Variants in PPP2R5E observed in about 807,000 individuals in gnomAD.
PPP2R5E encodes protein phosphatase 2 regulatory subunit B'epsilon, also known as serine/threonine-protein phosphatase 2A 56 kDa regulatory subunit epsilon isoform.
A neutral mutation model predicts 65.3 loss-of-function variants in PPP2R5E; 4 were observed. The observed-to-expected ratio is 0.06, with a 90% confidence interval of 0.03 to 0.14. The LOEUF (loss-of-function observed/expected upper bound fraction) is 0.14. Among genes scored for constraint, PPP2R5E ranks in the 10% least tolerant of loss-of-function variants. The probability of loss-of-function intolerance (pLI) is 1.00; values close to 1 mark genes in which losing one functional copy is unlikely to be tolerated. For synonymous variants in PPP2R5E, 183 were observed against 187.4 expected (o/e 0.98, Z 0.19); for missense variants, 274 against 556.1 (o/e 0.49, Z 5.10).
chr14:63,422,195 C>A, intron 3 of PPP2R5E, 101 bp from the exon 4 acceptor site: 3 of 893,196 alleles, frequency 3.4e-6, no homozygotes, highest in Non-Finnish European at 3.6e-6. Flanking sequence ...TAACAATGCA[C>A]AAGGAACATC....
In PPP2R5E at chr14:63,373,559, T is replaced by G. The variant is rs1274314835; in HGVS notation, c.*2450A>C. 3 of 152,260 alleles carry G rather than the reference T, an allele frequency of 2.0e-5. No individual in the cohort carries two copies. Among genetic ancestry groups the G allele is most frequent in the Non-Finnish European group, 4.4e-5 (3 of 68,048 alleles). 9.4% of individuals were successfully genotyped at this position (152,260 alleles called of 1,614,324 possible). ...AGTTGCCCTACGAATTTTAGACATATAGCTTTAATTGATTCTATAAATATG... is the reference window on the plus strand; with the variant it reads ...AGTTGCCCTACGAATTTTAGACATAGAGCTTTAATTGATTCTATAAATATG... On this transcript the variant is annotated 3_prime_UTR_variant, in exon 14 of 14. Transcript: ENST00000337537.
chr14:63,467,753 G>A (rs938506412), intron 2 of PPP2R5E, among the ~76,000 whole-genome samples: 2 of 152,136 alleles, frequency 1.3e-5, no homozygotes, highest in African/African-American at 4.8e-5. Context: ...CATTCTTCCA[G>A]ATGGCTGAGG....
chr14:63,411,357 C>T (rs1033836189), intron 5 of PPP2R5E, among the ~76,000 whole-genome samples: 5 of 152,124 alleles, frequency 3.3e-5, no homozygotes, highest in Non-Finnish European at 5.9e-5. Flanking sequence ...TTTCTAAAGG[C>T]TCCTATCTCA....
intron 2 of PPP2R5E, among the ~76,000 whole-genome samples, chr14:63,471,690 T>C (rs1466588037): frequency 6.6e-6 from 1 of 152,154 alleles, no homozygotes; most frequent in African/African-American, 2.4e-5. Context: ...TTGCCCACCA[T>C]CACACAGCTG....
chr14:63,516,911 T>C (rs1345849489), intron 2 of PPP2R5E, among the ~76,000 whole-genome samples: 1 of 152,186 alleles, frequency 6.6e-6, no homozygotes, highest in Non-Finnish European at 1.5e-5. Flanking sequence ...AAACCTAATA[T>C]ATAATATATA....
At chr14:63,377,348 T>C (rs1884048875) in intron 13 of PPP2R5E, among the ~76,000 whole-genome samples, 1 of 152,184 alleles carries the variant, frequency 6.6e-6, no homozygotes, top group Admixed American at 6.5e-5. Flanking sequence ...GAGTGAAATT[T>C]GTATGTAATT....
chr14:63,400,723 C>A (rs1469849257), intron 5 of PPP2R5E, among the ~76,000 whole-genome samples: 1 of 80,724 alleles, frequency 1.2e-5, no homozygotes, highest in East Asian at 3.1e-4. Context: ...CCCATATAGA[C>A]TCAGTATCTC....
intron 2 of PPP2R5E, among the ~76,000 whole-genome samples, chr14:63,531,619 T>TAAA (rs1893439193): frequency 1.3e-5 from 2 of 152,154 alleles, no homozygotes; most frequent in African/African-American, 4.8e-5. Flanking sequence ...ATATAGATGT[T>TAAA]CTTTCAGTTC....
chr14:63,495,934 C>T (rs1026721909), intron 2 of PPP2R5E, among the ~76,000 whole-genome samples: 1 of 152,142 alleles, frequency 6.6e-6, no homozygotes, highest in Non-Finnish European at 1.5e-5. Context: ...AAGCGATCCT[C>T]CCGCCTCAGC....
chr14:63,449,916 C>T (rs1041714995), intron 3 of PPP2R5E, among the ~76,000 whole-genome samples: 3 of 141,384 alleles, frequency 2.1e-5, no homozygotes, highest in Non-Finnish European at 3.0e-5. Context: ...TGTTCTGTCA[C>T]CCAGGCAGGA....
At chr14:63,495,740 G>C (rs1891525728) in intron 2 of PPP2R5E, among the ~76,000 whole-genome samples, 2 of 151,596 alleles carry the variant, frequency 1.3e-5, no homozygotes, top group African/African-American at 4.8e-5. Flanking sequence ...ACCCAGGCTG[G>C]AGTGCAGTGG....
chr14:63,448,317 A>G (rs1033136369), intron 3 of PPP2R5E, among the ~76,000 whole-genome samples: 2 of 152,042 alleles, frequency 1.3e-5, no homozygotes, highest in Non-Finnish European at 2.9e-5. Context: ...AAATAAATAA[A>G]TAATTTTTAA....
chr14:63,429,665 G>GTT (rs1179487323), intron 3 of PPP2R5E, among the ~76,000 whole-genome samples: 1 of 151,068 alleles, frequency 6.6e-6, no homozygotes, highest in East Asian at 1.9e-4. Flanking sequence ...TTTTTTGTTT[G>GTT]TTTGTTTTTG....
At chr14:63,407,237 C>T (rs1385970854) in intron 5 of PPP2R5E, among the ~76,000 whole-genome samples, 3 of 152,200 alleles carry the variant, frequency 2.0e-5, no homozygotes, top group Non-Finnish European at 4.4e-5. Flanking sequence ...GAATTCAAAT[C>T]AGTCTGTACA....
At chr14:63,420,501 T>C (rs1302463003) in intron 4 of PPP2R5E, among the ~76,000 whole-genome samples, 1 of 152,122 alleles carries the variant, frequency 6.6e-6, no homozygotes, top group Non-Finnish European at 1.5e-5. Context: ...TTTTAACTAA[T>C]TTACCCAGTC....
rs112906571 is a variant in PPP2R5E, at chr14:63,465,771, G to C, written c.158-11886C>G. On this transcript the variant is annotated intron_variant, in intron 2 of 13. Coordinates refer to ENST00000337537, the MANE Select transcript of PPP2R5E (RefSeq NM_006246.5). ...CTGCACTTGTCTTTTAAGACAAGGAGCAAATCATAAAATCCTAATTTGATA... is the reference window on the plus strand; with the variant it reads ...CTGCACTTGTCTTTTAAGACAAGGACCAAATCATAAAATCCTAATTTGATA... 4.8e-3 allele frequency among the ~76,000 whole-genome samples: 737 copies of C among 152,196 alleles called. 4 individuals carry two copies. The highest frequency in any genetic ancestry group is 6.7e-3 in the Non-Finnish European group (457 of 68,012).
intron 2 of PPP2R5E, among the ~76,000 whole-genome samples, chr14:63,467,419 C>T (rs1033742): frequency 0.33 from 49,696 of 151,618 alleles, 10,870 homozygotes; most frequent in African/African-American, 0.62. Flanking sequence ...ATGTCTAATA[C>T]TGTAACCCAG....
intron 5 of PPP2R5E, among the ~76,000 whole-genome samples, chr14:63,414,527 G>C (rs1277720100): frequency 3.9e-5 from 6 of 152,162 alleles, no homozygotes; most frequent in Non-Finnish European, 8.8e-5. Flanking sequence ...TCAGTGCCAT[G>C]AAAGCACCCA....
intron 5 of PPP2R5E, among the ~76,000 whole-genome samples, chr14:63,405,941 T>C (rs560595661): frequency 6.6e-6 from 1 of 152,288 alleles, no homozygotes; most frequent in South Asian, 2.1e-4. Flanking sequence ...CTTTGATAAA[T>C]CTCTAACAGC....
Sources: allele counts gnomAD v4.1 joint callset (sites outside exome capture counted in the v4.1 genomes callset), GRCh38; gene constraint gnomAD v4.1.1; transcripts MANE v1.5; gene names NCBI Gene and HGNC (gene_info 2026-07-23, HGNC 2026-07-21).